Variants in INSL6 observed in about 807,000 individuals in gnomAD.
The protein encoded by INSL6 is insulin-like peptide INSL6.
INSL6 carries 16 observed loss-of-function variants against 9.4 expected under a neutral mutation model. The ratio of observed to expected loss-of-function variants is 1.70; its 90% CI spans 1.15 to 2.59. The LOEUF (loss-of-function observed/expected upper bound fraction) is 2.59. Among genes scored for constraint, INSL6 ranks in the 30% most tolerant of loss-of-function variants. INSL6 has a pLI of 0.00. For synonymous variants in INSL6, 154 were observed against 96.9 expected (o/e 1.59, Z -3.46); for missense variants, 391 against 257.3 (o/e 1.52, Z -3.56).
the INSL6 span, among the ~76,000 whole-genome samples, chr9:5,068,669 T>C: frequency 6.6e-6 from 1 of 152,196 alleles, no homozygotes; most frequent in Non-Finnish European, 1.5e-5. Flanking sequence ...GAGCTGAGAT[T>C]GGAGATGGAG....
At chr9:5,160,900 A>G (rs548162884), downstream of INSL6, among the ~76,000 whole-genome samples, 49 of 152,310 alleles carry the variant, frequency 3.2e-4, no homozygotes, top group Non-Finnish European at 2.2e-4. Context: ...AAGAAATCCA[A>G]AACCTGTGAA....
chr9:5,130,938 C>G, intron 3 of INSL6, among the ~76,000 whole-genome samples: 1 of 151,094 alleles, frequency 6.6e-6, no homozygotes, highest in East Asian at 1.9e-4. Flanking sequence ...ACTGTGTTAG[C>G]CAGGATGGTC....
the INSL6 span, among the ~76,000 whole-genome samples, chr9:5,021,369 G>C: frequency 6.6e-6 from 1 of 152,128 alleles, no homozygotes; most frequent in East Asian, 1.9e-4. Context: ...TTCTTCTGTT[G>C]TCTGTAACTG....
chr9:5,171,525 A>G (rs1031225497), intron 1 of INSL6, among the ~76,000 whole-genome samples: 1 of 152,242 alleles, frequency 6.6e-6, no homozygotes, highest in Non-Finnish European at 1.5e-5. Context: ...TCAAATAGGA[A>G]GAGAGGAAGC....
At chr9:5,088,739 A>C in the INSL6 span, among the ~76,000 whole-genome samples, 1 of 152,214 alleles carries the variant, frequency 6.6e-6, no homozygotes, top group Non-Finnish European at 1.5e-5. Flanking sequence ...CTTGGCTTGC[A>C]GATGGCCATC....
At chr9:5,181,134 G>A (rs1031610338) in intron 1 of INSL6, among the ~76,000 whole-genome samples, 5 of 151,908 alleles carry the variant, frequency 3.3e-5, no homozygotes, top group Admixed American at 6.6e-5. Flanking sequence ...AATATTCCAC[G>A]CATCCCAAAT....
chr9:5,030,725 G>T, the INSL6 span, among the ~76,000 whole-genome samples: 1 of 151,810 alleles, frequency 6.6e-6, no homozygotes, highest in South Asian at 2.1e-4. Context: ...CCTATCACTT[G>T]GTGCTCTCTC....
Position 5,165,324 on chromosome 9 carries a change from T to A in INSL6, c.290-1059A>T, listed in dbSNP as rs74308888. ...CCTAGGGATGGAACACTGCATGATA[T>A]AAATTTGTTTGATGTTTTGAGGAAC... is the stretch of plus-strand genomic sequence containing the variant. On this transcript the variant is annotated intron_variant, in intron 1 of 1. Coordinates refer to ENST00000381641, the MANE Select transcript of INSL6 (RefSeq NM_007179.3). 1.1e-3 allele frequency among the ~76,000 whole-genome samples: 169 copies of A among 152,346 alleles called. 2 individuals carry two copies. In the East Asian group the frequency reaches 0.027, roughly 24 times the overall value.
intron 3 of INSL6, chr9:5,127,910 G>A (rs12000101): frequency 4.3e-6 from 1 of 232,102 alleles, no homozygotes; most frequent in Non-Finnish European, 8.5e-6. Context: ...AAGTATGCTT[G>A]TTAATTTTAT....
chr9:5,007,276 G>A, the INSL6 span, among the ~76,000 whole-genome samples: 3 of 151,782 alleles, frequency 2.0e-5, no homozygotes, highest in Non-Finnish European at 4.4e-5. Context: ...CTTTTACTGC[G>A]TTTTACTCAT....
chr9:5,075,347 T>G, the INSL6 span, among the ~76,000 whole-genome samples: 1 of 152,190 alleles, frequency 6.6e-6, no homozygotes, highest in Non-Finnish European at 1.5e-5. Flanking sequence ...CATCTAGGAC[T>G]TCCACAGCTA....
At chr9:5,068,861 TTGAGGAACTAA>T in the INSL6 span, among the ~76,000 whole-genome samples, 1 of 152,212 alleles carries the variant, frequency 6.6e-6, no homozygotes, top group Non-Finnish European at 1.5e-5. Context: ...AATTGCCCTT[TTGAGGAACTAA>T]GTACTTCTAT....
At chr9:5,175,573 C>A (rs1825281077) in intron 1 of INSL6, among the ~76,000 whole-genome samples, 1 of 152,164 alleles carries the variant, frequency 6.6e-6, no homozygotes, top group African/African-American at 2.4e-5. Flanking sequence ...AGGAACCAGG[C>A]CACATGGCAG....
the INSL6 span, chr9:5,098,079 A>G: frequency 3.3e-5 from 5 of 152,190 alleles, no homozygotes; most frequent in Admixed American, 2.6e-4. Flanking sequence ...ATAATCTGAG[A>G]AGCCTTTGTT....
intron 3 of INSL6, chr9:5,126,298 A>C: frequency 7.0e-7 from 1 of 1,432,224 alleles, no homozygotes; most frequent in Non-Finnish European, 9.7e-7. Context: ...TACAAATTAA[A>C]TGTACAAAAA....
At chr9:4,994,544 G>C in the INSL6 span, among the ~76,000 whole-genome samples, 2 of 152,130 alleles carry the variant, frequency 1.3e-5, no homozygotes, top group African/African-American at 4.8e-5. Flanking sequence ...TTCTATTAAG[G>C]ATCATAAATA....
chr9:5,069,166 A>G, the INSL6 span: 27 of 1,610,868 alleles, frequency 1.7e-5, no homozygotes, highest in East Asian at 2.2e-5. Context: ...CTCAGACAAT[A>G]TAATTTTCCA....
the INSL6 span, chr9:5,055,578 A>G: frequency 2.2e-5 from 23 of 1,023,388 alleles, no homozygotes; most frequent in Non-Finnish European, 3.0e-5. Flanking sequence ...TATTTTAAAG[A>G]ATTTGGAAAG....
chr9:5,030,021 C>A, the INSL6 span: 1 of 792,336 alleles, frequency 1.3e-6, no homozygotes, highest in South Asian at 2.2e-5. Context: ...AATTAGTTAG[C>A]ACTCATTTAA....
Sources: allele counts gnomAD v4.1 joint callset (sites outside exome capture counted in the v4.1 genomes callset), GRCh38; gene constraint gnomAD v4.1.1; transcripts MANE v1.5; gene names NCBI Gene and HGNC (gene_info 2026-07-23, HGNC 2026-07-21).